CTHRC1: variants seen among roughly 807,000 people sequenced by gnomAD.
CTHRC1 encodes collagen triple helix repeat containing 1, also known as collagen triple helix repeat-containing protein 1.
CTHRC1 carries 21 observed loss-of-function variants against 25.9 expected under a neutral mutation model. That is an observed-to-expected ratio of 0.81 (90% CI 0.57 to 1.17). CTHRC1 has a LOEUF of 1.17. Among genes scored for constraint, CTHRC1 ranks in the 50% most tolerant of loss-of-function variants. The probability of loss-of-function intolerance (pLI) is 0.00; values close to 1 mark genes in which losing one functional copy is unlikely to be tolerated. For missense variants in CTHRC1, 281 were observed against 304.3 expected (o/e 0.92, Z 0.57); for synonymous variants, 109 against 113.1 (o/e 0.96, Z 0.23).
Position 103,378,175 on chromosome 8 carries a change from C to T in CTHRC1, c.521C>T (p.Ala174Val). ...AECSGPLPIE[A>V]IIYLDQGSPE... ...TGTTCAGGACCTCTTCCCATTGAAG[C>T]TATAATTTATTTGGACCAAGGAAGC... The change falls in exon 3 of 4, where the codon GCT becomes GTT. Residue 174 changes from alanine to valine, a missense_variant. Coordinates refer to ENST00000330295, the MANE Select transcript of CTHRC1 (RefSeq NM_138455.4). 6.2e-7 allele frequency: 1 copy of T among 1,614,104 alleles called. No homozygotes were observed. The highest frequency in any genetic ancestry group is 8.5e-7 in the Non-Finnish European group (1 of 1,179,962).
At chr8:103,375,675 T>C in intron 1 of CTHRC1, 63 bp from the exon 2 acceptor site, 1 of 1,371,372 alleles carries the variant, frequency 7.3e-7, no homozygotes, top group Non-Finnish European at 1.0e-6. Context: ...GCATTTCTAA[T>C]CATACTGAGT....
At chr8:103,376,210 CAA>C (rs1292687365) in intron 2 of CTHRC1, among the ~76,000 whole-genome samples, 1 of 152,190 alleles carries the variant, frequency 6.6e-6, no homozygotes, top group Admixed American at 6.5e-5. Context: ...AAAATGCAAA[CAA>C]AAGAGAGCAT....
chr8:103,380,103 T>C (rs1028357402), intron 3 of CTHRC1, among the ~76,000 whole-genome samples: 1 of 152,214 alleles, frequency 6.6e-6, no homozygotes, highest in Non-Finnish European at 1.5e-5. Context: ...AGAAATAGTC[T>C]TTAAAATAAG....
At chr8:103,373,320 TC>T (rs1815745818) in intron 1 of CTHRC1, among the ~76,000 whole-genome samples, 4 of 152,170 alleles carry the variant, frequency 2.6e-5, no homozygotes, top group Admixed American at 2.6e-4. Context: ...TTCAACAGAT[TC>T]TATAAAGCAA....
chr8:103,378,541 T>C (rs1490613233), intron 3 of CTHRC1, among the ~76,000 whole-genome samples: 8 of 152,190 alleles, frequency 5.3e-5, no homozygotes, highest in Admixed American at 1.3e-4. Context: ...TGAAAATCAG[T>C]GAGTTAAATG....
chr8:103,372,395 C>T, intron 1 of CTHRC1: 1 of 1,425,112 alleles, frequency 7.0e-7, no homozygotes, highest in South Asian at 1.5e-5. Flanking sequence ...CTGCAATTTA[C>T]TTTGTTGGAC....
chr8:103,375,055 A>G (rs539754128), intron 1 of CTHRC1, among the ~76,000 whole-genome samples: 1 of 152,258 alleles, frequency 6.6e-6, no homozygotes, highest in East Asian at 1.9e-4. Context: ...AAACTGGGTC[A>G]CTTACTGCTT....
chr8:103,373,511 A>G (rs574632865), intron 1 of CTHRC1, among the ~76,000 whole-genome samples: 1 of 151,738 alleles, frequency 6.6e-6, no homozygotes, highest in East Asian at 1.9e-4. Context: ...ATTTTAAAGT[A>G]GAAGACTGAT....
intron 1 of CTHRC1, chr8:103,372,302 A>G: frequency 3.1e-6 from 2 of 634,938 alleles, no homozygotes; most frequent in Non-Finnish European, 4.8e-6. Context: ...AGAGAGAATA[A>G]CAACCCCCAC....
At chr8:103,372,279 A>AC (rs1441879719) in intron 1 of CTHRC1, among the ~76,000 whole-genome samples, 1 of 152,200 alleles carries the variant, frequency 6.6e-6, no homozygotes, top group Non-Finnish European at 1.5e-5. Flanking sequence ...GCTGGTGGCC[A>AC]CGTCTGCCTG....
In CTHRC1 at chr8:103,371,710, G is replaced by GCTCCTGCTT. The variant is rs770826956; in HGVS notation, c.62_63insTCTCCTGCT (p.Leu20_Leu22dup). 50 of 1,536,230 alleles carry GCTCCTGCTT rather than the reference G, an allele frequency of 3.3e-5. No homozygotes were observed. Among genetic ancestry groups the GCTCCTGCTT allele is most frequent in the Non-Finnish European group, 3.8e-5 (43 of 1,141,990 alleles). ...CGCAGCGGCTCCGCGGCCTCCTGCT[G>GCTCCTGCTT]CTCCTGCTGCTGCAGCTGCCCGCGC... On this transcript the variant is annotated inframe_insertion, in exon 1 of 4. Coordinates refer to ENST00000330295, the MANE Select transcript of CTHRC1 (RefSeq NM_138455.4).
chr8:103,374,527 A>G (rs1815770840), intron 1 of CTHRC1, among the ~76,000 whole-genome samples: 1 of 152,202 alleles, frequency 6.6e-6, no homozygotes, highest in African/African-American at 2.4e-5. Context: ...GGGGCACAGG[A>G]TATCACCTTT....
At chr8:103,372,980 C>A (rs1815737355) in intron 1 of CTHRC1, among the ~76,000 whole-genome samples, 1 of 152,202 alleles carries the variant, frequency 6.6e-6, no homozygotes, top group Admixed American at 6.5e-5. Context: ...TTTCACACAG[C>A]ACTTTTTGGT....
At position 103,371,680 on chromosome 8, in the gene CTHRC1, C is replaced by A; in HGVS notation, c.24C>A (p.Ala8=). The A allele has an allele frequency of 6.5e-7, 1 of 1,533,546 alleles. No homozygotes were observed. Among genetic ancestry groups the A allele is most frequent in the Non-Finnish European group, 8.8e-7 (1 of 1,141,158 alleles). The allele number at this position is 1,533,546 out of a possible 1,614,324, so 95.0% of individuals were successfully genotyped here. A position where few individuals can be genotyped will look rare whatever the true frequency, so the allele number is the denominator to read the frequency against. ...CCATGCGACCCCAGGGCCCCGCCGC[C>A]TCCCCGCAGCGGCTCCGCGGCCTCC... is the stretch of plus-strand genomic sequence containing the variant. The part of the protein sequence containing the change: MRPQGPA[A]SPQRLRGLLL... The change falls in exon 1 of 4, where the codon GCC becomes GCA. Residue 8 remains alanine (A), a synonymous_variant. Transcript: ENST00000330295.
chr8:103,374,520 G>A (rs138781893), intron 1 of CTHRC1, among the ~76,000 whole-genome samples: 142 of 152,276 alleles, frequency 9.3e-4, no homozygotes, highest in African/African-American at 3.2e-3. Context: ...GACAGGTGGG[G>A]CACAGGATAT....
intron 1 of CTHRC1, among the ~76,000 whole-genome samples, chr8:103,374,292 A>G (rs935240014): frequency 1.3e-5 from 2 of 152,234 alleles, no homozygotes; most frequent in African/African-American, 4.8e-5. Flanking sequence ...CAGATACTGT[A>G]GTCAAAAGAT....
intron 3 of CTHRC1, among the ~76,000 whole-genome samples, chr8:103,378,693 G>T (rs1815852032): frequency 1.3e-5 from 2 of 152,134 alleles, no homozygotes; most frequent in Admixed American, 1.3e-4. Context: ...ACAGGTCTGG[G>T]TGCAGACTTG....
At chr8:103,376,678 A>G (rs2130401517) in intron 2 of CTHRC1, among the ~76,000 whole-genome samples, 1 of 152,358 alleles carries the variant, frequency 6.6e-6, no homozygotes, top group South Asian at 2.1e-4. Flanking sequence ...ATGGTTCCAT[A>G]TTCACAACAT....
rs1178695240 is a variant in CTHRC1 at position 103,371,808 on chromosome 8, T to G, written c.150+2T>G. The G allele has an allele frequency of 2.6e-5, 39 of 1,521,564 alleles. No homozygotes were observed. The highest frequency in any genetic ancestry group is 3.4e-5 in the Non-Finnish European group (39 of 1,133,804). The allele number at this position is 1,521,564 out of a possible 1,614,324, so 94.3% of individuals were successfully genotyped here. On this transcript the variant is annotated splice_donor_variant, in intron 1 of 3. Coordinates refer to ENST00000330295, the MANE Select transcript of CTHRC1 (RefSeq NM_138455.4). LOFTEE classifies it high-confidence loss of function. ...CGGCAGAGGGAGGTGGTGGACCTGG[T>G]GAGTCCGAGGGAGCCGAGCCGGGAC... is the stretch of plus-strand genomic sequence containing the variant.
Sources: allele counts gnomAD v4.1 joint callset (sites outside exome capture counted in the v4.1 genomes callset), GRCh38; gene constraint gnomAD v4.1.1; transcripts MANE v1.5; gene names NCBI Gene and HGNC (gene_info 2026-07-23, HGNC 2026-07-21).